The following CEP85L variants were observed in gnomAD, a reference collection of about 807,000 sequenced individuals.
CEP85L encodes centrosomal protein 85L, also known as centrosomal protein of 85 kDa-like.
Under a neutral mutation model 100.3 loss-of-function variants are expected in CEP85L, and 60 were observed. The ratio of observed to expected loss-of-function variants is 0.60; its 90% CI spans 0.49 to 0.74. The LOEUF (loss-of-function observed/expected upper bound fraction) is 0.74. Among genes scored for constraint, CEP85L ranks in the 30% least tolerant of loss-of-function variants. The pLI is 0.00. For missense variants in CEP85L, 973 were observed against 936.2 expected, an observed-to-expected ratio of 1.04 and a Z score of -0.51; for synonymous variants, 319 against 322.7, an observed-to-expected ratio of 0.99 and a Z score of 0.12.
At chr6:118,512,878 G>A (rs1253703888) in intron 4 of CEP85L, among the ~76,000 whole-genome samples, 2 of 152,066 alleles carry the variant, frequency 1.3e-5, no homozygotes, top group Admixed American at 1.3e-4. Flanking sequence ...TACAAAAAAA[G>A]CAGAAAAAAT....
At chr6:118,541,861 A>C (rs1212293145) in intron 3 of CEP85L, among the ~76,000 whole-genome samples, 1 of 152,190 alleles carries the variant, frequency 6.6e-6, no homozygotes, top group Admixed American at 6.5e-5. Context: ...CACCCCAAAA[A>C]TGTATAATTT....
chr6:118,585,077 G>GA (rs1236525390), intron 2 of CEP85L, among the ~76,000 whole-genome samples: 1 of 152,158 alleles, frequency 6.6e-6, no homozygotes, highest in Admixed American at 6.5e-5. Context: ...GTAGAACAAG[G>GA]AATCTGTAAG....
At chr6:118,539,219 C>G (rs1777769577) in intron 3 of CEP85L, among the ~76,000 whole-genome samples, 1 of 152,140 alleles carries the variant, frequency 6.6e-6, no homozygotes, top group Admixed American at 6.5e-5. Flanking sequence ...TAATAATGTT[C>G]CTGTAAATGC....
chr6:118,573,786 G>A (rs1365703142), intron 2 of CEP85L, among the ~76,000 whole-genome samples: 4 of 152,012 alleles, frequency 2.6e-5, no homozygotes, highest in Admixed American at 2.6e-4. Flanking sequence ...GATAGCCACA[G>A]GCAAAAGAAT....
At chr6:118,613,160 G>A (rs559849917) in intron 2 of CEP85L, among the ~76,000 whole-genome samples, 2 of 152,068 alleles carry the variant, frequency 1.3e-5, no homozygotes, top group African/African-American at 2.4e-5. Context: ...GCAGTGAGCC[G>A]AGATCGCGCC....
intron 1 of CEP85L, among the ~76,000 whole-genome samples, chr6:118,650,705 G>T (rs9489485): frequency 0.029 from 4,412 of 152,274 alleles, 108 homozygotes; most frequent in African/African-American, 0.056. Flanking sequence ...GCGGCTGCGG[G>T]CGTGGGCACA....
At chr6:118,517,541 TTGTC>T (rs1404841258) in intron 4 of CEP85L, among the ~76,000 whole-genome samples, 2 of 152,168 alleles carry the variant, frequency 1.3e-5, no homozygotes, top group Non-Finnish European at 2.9e-5. Context: ...GCCTCTCTGT[TTGTC>T]TGTTATTGGT....
In CEP85L at chr6:118,542,900, C is replaced by CAAAAAAAAAA. The variant is rs71012391; in HGVS notation, c.1021-18990_1021-18981dup. On this transcript the variant is annotated intron_variant, in intron 3 of 12. Coordinates refer to ENST00000368491, the MANE Select transcript of CEP85L (RefSeq NM_001042475.3). ...GAACTTCAACATCACCAAGTTTTCC[C>CAAAAAAAAAA]AAAAAAAAAAAAAAAAAAAAAAACA... Among the ~76,000 whole-genome samples the CAAAAAAAAAA allele has an allele frequency of 5.5e-4, 37 of 67,128 alleles. 1 individual carries two copies. The highest frequency in any genetic ancestry group is 7.2e-4 in the Non-Finnish European group (25 of 34,556). 44.0% of individuals were successfully genotyped at this position (67,128 alleles called of 152,430 possible). A position where few individuals can be genotyped will look rare whatever the true frequency, so the allele number is the denominator to read the frequency against.
At position 118,620,320 on chromosome 6, in the gene CEP85L, G is replaced by A. The variant is rs185836008; in HGVS notation, c.232+12133C>T. Among the ~76,000 whole-genome samples the A allele has an allele frequency of 2.4e-3, 361 of 152,216 alleles. 2 individuals carry two copies. Among genetic ancestry groups the A allele is most frequent in the Admixed American group, 0.011 (163 of 15,290 alleles). On this transcript the variant is annotated intron_variant, in intron 2 of 12. Coordinates refer to ENST00000368491, the MANE Select transcript of CEP85L (RefSeq NM_001042475.3). ...ACCTTGGTGTTCTATAAAATGGACCGAGAGGAACAGGCCAAAAGGGAAAAG... is the reference window on the plus strand; with the variant it reads ...ACCTTGGTGTTCTATAAAATGGACCAAGAGGAACAGGCCAAAAGGGAAAAG...
chr6:118,567,387 T>C (rs1198717930), intron 2 of CEP85L, among the ~76,000 whole-genome samples: 1 of 151,492 alleles, frequency 6.6e-6, no homozygotes, highest in Non-Finnish European at 1.5e-5. Flanking sequence ...TCCAAAATAG[T>C]TGAGTTTCTA....
At chr6:118,617,848 G>A (rs965345660) in intron 2 of CEP85L, among the ~76,000 whole-genome samples, 3 of 152,136 alleles carry the variant, frequency 2.0e-5, no homozygotes, top group Non-Finnish European at 4.4e-5. Flanking sequence ...CAACTGCCAC[G>A]CAGTGAGTAC....
chr6:118,542,603 A>C (rs899397069), intron 3 of CEP85L, among the ~76,000 whole-genome samples: 2 of 152,150 alleles, frequency 1.3e-5, no homozygotes, highest in South Asian at 4.1e-4. Context: ...ATTTTCTGAA[A>C]ATCATAGAGT....
intron 3 of CEP85L, chr6:118,559,098 T>C: frequency 1.3e-6 from 2 of 1,595,062 alleles, no homozygotes; most frequent in Non-Finnish European, 1.7e-6. Flanking sequence ...CTACAACCTC[T>C]AGATCTGCAG....
chr6:118,506,217 A>G (rs935193683), intron 5 of CEP85L, among the ~76,000 whole-genome samples: 2 of 152,210 alleles, frequency 1.3e-5, no homozygotes, highest in Admixed American at 1.3e-4. Flanking sequence ...GTGCACTAAC[A>G]AAAACAGTGA....
intron 3 of CEP85L, among the ~76,000 whole-genome samples, chr6:118,550,637 A>T (rs927230209): frequency 2.0e-5 from 3 of 151,876 alleles, no homozygotes; most frequent in Non-Finnish European, 4.4e-5. Flanking sequence ...AAACAGGGAA[A>T]CCTTGGCAGA....
intron 2 of CEP85L, among the ~76,000 whole-genome samples, chr6:118,577,092 C>T (rs552814702): frequency 1.3e-5 from 2 of 152,244 alleles, no homozygotes; most frequent in Admixed American, 6.5e-5. Flanking sequence ...CCCTGCAGGT[C>T]GGCCCCTGAG....
In CEP85L at chr6:118,565,539, G is replaced by A; in HGVS notation, c.1010C>T (p.Thr337Ile). ...GATTTTGCACCTTACCTGCATTGGT[G>A]TTTCACTTCCTTGTCGAAAGTCTTC... ...QIEDFRQGSE[T>I]PMQVLTGSSR... is the part of the protein sequence containing the mutation. The change falls in exon 3 of 13, where the codon ACA becomes ATA. Residue 337 changes from threonine (T) to isoleucine (I), a missense_variant. Physicochemically the swap from Thr to Ile is moderately conservative, Grantham distance 89. Around this residue, in one of 3 missense-constraint regions of CEP85L, gnomAD observed 890 missense variants for 844.5 expected, o/e 1.05. Transcript: ENST00000368491. The A allele has an allele frequency of 1.2e-6, 2 of 1,614,148 alleles. No individual in the cohort carries two copies. The highest frequency in any genetic ancestry group is 1.7e-6 in the Non-Finnish European group (2 of 1,179,980).
In CEP85L at chr6:118,559,065, C is replaced by T. The variant is rs141114252; in HGVS notation, c.1020+6464G>A. 7.4e-6 allele frequency: 12 copies of T among 1,610,948 alleles called. No homozygotes were observed. In the African/African-American group the frequency reaches 9.4e-5, roughly 13 times the overall value. On this transcript the variant is annotated intron_variant, in intron 3 of 12. Coordinates refer to ENST00000368491, the MANE Select transcript of CEP85L (RefSeq NM_001042475.3). The stretch of plus-strand genomic sequence containing the variant: ...TATGTCTCTTGCTGATCTGTATCAT[C>T]GTGATGCTTCTCTGAAGTTCTGCTA...
chr6:118,703,852 A>G (rs184119730), intron 1 of CEP85L, among the ~76,000 whole-genome samples: 1 of 152,342 alleles, frequency 6.6e-6, no homozygotes, highest in Admixed American at 6.5e-5. Context: ...ATTTAATGTT[A>G]TCTGTATCTC....
Sources: gnomAD v4.1 joint callset for allele counts (sites outside exome capture counted in the v4.1 genomes callset) on GRCh38, gnomAD v4.1.1 for gene constraint, gnomAD v4.1.1 regional missense constraint, MANE v1.5 for transcripts, NCBI Gene and HGNC (gene_info 2026-07-23, HGNC 2026-07-21) for gene names.